The following PCDHA1 variants were observed in gnomAD, a reference collection of about 807,000 sequenced individuals.
The protein encoded by PCDHA1 is protocadherin alpha 1, also known as protocadherin alpha-1.
In PCDHA1, 42 loss-of-function variants were observed where a neutral mutation model predicts 61.3. The ratio of observed to expected loss-of-function variants is 0.69; its 90% confidence interval spans 0.54 to 0.89. PCDHA1 has a LOEUF of 0.89. Ranked by LOEUF, PCDHA1 falls within the 40% of genes least tolerant of loss-of-function variation. The pLI is 0.00. For synonymous variants in PCDHA1, 610 were observed against 553.8 expected, an observed-to-expected ratio of 1.10 and a Z score of -1.43; for missense variants, 1,256 against 1,235.3, an observed-to-expected ratio of 1.02 and a Z score of -0.25.
chr5:140,871,625 A>C (rs1360108001), intron 1 of PCDHA1: 1 of 1,403,018 alleles, frequency 7.1e-7, no homozygotes, highest in Non-Finnish European at 9.4e-7. Context: ...TTAGATAACA[A>C]TGTCTGTTCA....
Position 140,850,727 on chromosome 5 carries a change from G to T in PCDHA1, c.2394+62043G>T, listed in dbSNP as rs2150496154. 1.7e-5 allele frequency: 27 copies of T among 1,597,890 alleles called. 4 individuals carry two copies. The highest frequency in any genetic ancestry group is 2.2e-5 in the South Asian group (2 of 90,514). ...AGCCGACGCTGGTGTGTTCTAGCGC[G>T]GTGGGGAGTTGGTCGTACTCGCAGC... is the stretch of plus-strand genomic sequence containing the variant. On this transcript the variant is annotated intron_variant, in intron 1 of 3. Transcript: ENST00000504120.
At chr5:140,794,906 A>G in intron 1 of PCDHA1, 3 of 1,509,630 alleles carry the variant, frequency 2.0e-6, no homozygotes, top group Admixed American at 2.1e-5. Context: ...AGAGACTAGA[A>G]TATTTAAATT....
intron 1 of PCDHA1, chr5:140,802,725 G>T: frequency 6.2e-7 from 1 of 1,612,628 alleles, no homozygotes; most frequent in South Asian, 1.1e-5. Flanking sequence ...CTACGTGTCG[G>T]TACACGCGGA....
chr5:140,874,280 C>T (rs1317233709), intron 1 of PCDHA1, among the ~76,000 whole-genome samples: 3 of 152,146 alleles, frequency 2.0e-5, no homozygotes, highest in Admixed American at 6.5e-5. Flanking sequence ...AATAGACTTA[C>T]AAAATCTATG....
chr5:140,981,948 G>T (rs544785800), intron 2 of PCDHA1, among the ~76,000 whole-genome samples: 26 of 152,230 alleles, frequency 1.7e-4, no homozygotes, highest in African/African-American at 6.0e-4. Context: ...TATAGGGTGG[G>T]TCATCTATGC....
At chr5:140,881,441 CAGA>C (rs782795888) in intron 1 of PCDHA1, 70 of 829,276 alleles carry the variant, frequency 8.4e-5, no homozygotes, top group Non-Finnish European at 1.0e-4. Context: ...TTTATAAAAA[CAGA>C]ATCCAAAACC....
intron 1 of PCDHA1, chr5:140,868,045 A>G (rs1452350688): frequency 3.3e-5 from 5 of 152,130 alleles, no homozygotes; most frequent in African/African-American, 1.2e-4. Flanking sequence ...GGAAATACCA[A>G]TATGGCACAA....
intron 1 of PCDHA1, among the ~76,000 whole-genome samples, chr5:140,943,180 C>T (rs2093431387): frequency 6.7e-6 from 1 of 149,602 alleles, no homozygotes; most frequent in South Asian, 2.1e-4. Context: ...ATCGCTTGAA[C>T]CCTGGAGGTG....
At chr5:140,999,049 A>G (rs962383659) in intron 3 of PCDHA1, among the ~76,000 whole-genome samples, 2 of 152,332 alleles carry the variant, frequency 1.3e-5, no homozygotes, top group Non-Finnish European at 2.9e-5. Context: ...TGTGCTTTCC[A>G]CCATGCCTAA....
intron 1 of PCDHA1, chr5:140,856,221 T>C (rs2043861898): frequency 1.9e-6 from 3 of 1,597,980 alleles, no homozygotes; most frequent in Non-Finnish European, 2.6e-6. Flanking sequence ...CTGGCGGAGC[T>C]GGTGCAGCGC....
chr5:140,838,266 A>G (rs1554136963), intron 1 of PCDHA1, among the ~76,000 whole-genome samples: 4 of 140,468 alleles, frequency 2.8e-5, no homozygotes, highest in Non-Finnish European at 6.1e-5. Flanking sequence ...GACGCCAACA[A>G]CCAAGCCATG....
intron 1 of PCDHA1, chr5:140,814,336 G>A (rs1200582823): frequency 6.6e-6 from 1 of 151,804 alleles, no homozygotes; most frequent in African/African-American, 2.4e-5. Context: ...CCCACTGGAA[G>A]GTCTTCTGGG....
At chr5:140,836,696 C>T (rs140050284) in intron 1 of PCDHA1, 1 of 1,613,304 alleles carries the variant, frequency 6.2e-7, no homozygotes, top group African/African-American at 1.3e-5. Context: ...ACCTCATGGC[C>T]TTCAGTCCCA....
chr5:140,987,120 A>G (rs1224513029), intron 3 of PCDHA1, among the ~76,000 whole-genome samples: 9 of 151,956 alleles, frequency 5.9e-5, no homozygotes, highest in African/African-American at 2.2e-4. Context: ...AGGCTGAGGC[A>G]GGAGAATTGC....
At chr5:140,875,616 C>A (rs2055654644) in intron 1 of PCDHA1, 2 of 1,613,748 alleles carry the variant, frequency 1.2e-6, no homozygotes, top group Admixed American at 1.7e-5. Context: ...TGGGCCGCAT[C>A]GCTCAGGACC....
intron 1 of PCDHA1, among the ~76,000 whole-genome samples, chr5:140,924,936 TAAAAA>T (rs2082205335): frequency 8.1e-6 from 1 of 123,442 alleles, no homozygotes; most frequent in East Asian, 2.8e-4. Context: ...TAAAATAAAA[TAAAAA>T]GTTAAAAAAA....
At chr5:140,867,614 T>C (rs1157399169) in intron 1 of PCDHA1, 3 of 152,134 alleles carry the variant, frequency 2.0e-5, no homozygotes, top group Non-Finnish European at 2.9e-5. Context: ...ATCAAAACTA[T>C]AGAACAAAAT....
chr5:140,875,426 A>G, intron 1 of PCDHA1: 1 of 1,532,482 alleles, frequency 6.5e-7, no homozygotes, highest in Non-Finnish European at 8.7e-7. Context: ...CAGGCAAGCG[A>G]TCCCTTAAAA....
At chr5:140,927,400 C>A in intron 1 of PCDHA1, 1 of 1,614,126 alleles carries the variant, frequency 6.2e-7, no homozygotes, top group Non-Finnish European at 8.5e-7. Context: ...TCAGCACTTT[C>A]GCCTGGACAT....
Sources: gnomAD v4.1 joint callset for allele counts (sites outside exome capture counted in the v4.1 genomes callset) on GRCh38, gnomAD v4.1.1 for gene constraint, MANE v1.5 for transcripts, NCBI Gene and HGNC (gene_info 2026-07-23, HGNC 2026-07-21) for gene names.